Variants in KDM4C observed in about 807,000 individuals in gnomAD.
The protein encoded by KDM4C is lysine demethylase 4C.
Under a neutral mutation model 129.3 loss-of-function variants are expected in KDM4C, and 81 were observed. The ratio of observed to expected loss-of-function variants is 0.63; its 90% CI spans 0.52 to 0.75. The LOEUF is 0.75. KDM4C is among the 30% of genes least tolerant of loss of function. KDM4C has a pLI of 0.00. For synonymous variants in KDM4C, 573 were observed against 456.1 expected (o/e 1.26, Z -3.26); for missense variants, 1,457 against 1,304.0 (o/e 1.12, Z -1.81).
At chr9:7,042,575 A>G (rs1395033828) in intron 15 of KDM4C, among the ~76,000 whole-genome samples, 1 of 152,014 alleles carries the variant, frequency 6.6e-6, no homozygotes, top group African/African-American at 2.4e-5. Context: ...GGAGTTCTTG[A>G]TTATTTATGG....
chr9:6,858,322 T>C (rs1174017611), intron 5 of KDM4C, among the ~76,000 whole-genome samples: 7 of 151,264 alleles, frequency 4.6e-5, no homozygotes, highest in African/African-American at 9.9e-5. Flanking sequence ...CTGAATCTTT[T>C]TTGCTACTCT....
intron 17 of KDM4C, among the ~76,000 whole-genome samples, chr9:7,092,611 T>C (rs1445600660): frequency 2.0e-5 from 3 of 152,206 alleles, no homozygotes; most frequent in Admixed American, 2.0e-4. Context: ...TTTACTGCCG[T>C]GAAGCTTGCT....
chr9:7,100,960 C>T (rs1280437547), intron 17 of KDM4C, among the ~76,000 whole-genome samples: 1 of 152,122 alleles, frequency 6.6e-6, no homozygotes, highest in Non-Finnish European at 1.5e-5. Context: ...TTCCCATGGT[C>T]TAGGAATTCC....
intron 8 of KDM4C, among the ~76,000 whole-genome samples, chr9:6,919,223 C>CTTCTTTTCTTTCTTTCTTTCTTTCTTTCT (rs1554643689): frequency 9.2e-5 from 10 of 108,914 alleles, no homozygotes; most frequent in South Asian, 3.1e-4. Context: ...TTTCTTTTTC[C>CTTCTTTTCTTTCTTTCTTTCTTTCTTTCT]TTCTTTCTTT....
intron 18 of KDM4C, among the ~76,000 whole-genome samples, chr9:7,116,827 T>C (rs1417982341): frequency 6.6e-6 from 1 of 152,194 alleles, no homozygotes; most frequent in African/African-American, 2.4e-5. Flanking sequence ...CATTCTCTCC[T>C]CATGTAAGCA....
intron 12 of KDM4C, among the ~76,000 whole-genome samples, chr9:7,001,441 C>G (rs1332486153): frequency 3.3e-5 from 5 of 152,120 alleles, no homozygotes; most frequent in Admixed American, 1.3e-4. Context: ...CTTGGGGACC[C>G]CCAGGAGAAG....
At chr9:6,914,951 C>G (rs143626240) in intron 8 of KDM4C, among the ~76,000 whole-genome samples, 1 of 152,342 alleles carries the variant, frequency 6.6e-6, no homozygotes, top group African/African-American at 2.4e-5. Flanking sequence ...CCCAAATGTA[C>G]TAAGACAGAG....
chr9:7,076,901 A>C, intron 17 of KDM4C: 1 of 988,156 alleles, frequency 1.0e-6, no homozygotes, highest in South Asian at 4.7e-5. Context: ...TGTCTCCTGT[A>C]GCATGGAGGC....
At chr9:6,727,179 A>T (rs898464484) in intron 1 of KDM4C, 3 of 152,020 alleles carry the variant, frequency 2.0e-5, no homozygotes, top group African/African-American at 7.2e-5. Context: ...GGCCGGGCAC[A>T]GTGGCTTGTG....
At chr9:6,842,623 A>G (rs575448373) in intron 4 of KDM4C, among the ~76,000 whole-genome samples, 4 of 152,058 alleles carry the variant, frequency 2.6e-5, no homozygotes, top group African/African-American at 9.7e-5. Context: ...GACGTGAGCT[A>G]CTGCACCAGG....
At chr9:7,163,977 G>A (rs1283171961) in intron 19 of KDM4C, among the ~76,000 whole-genome samples, 4 of 152,096 alleles carry the variant, frequency 2.6e-5, no homozygotes, top group Non-Finnish European at 4.4e-5. Flanking sequence ...CAATCAAATG[G>A]CCACTCCTTT....
intron 12 of KDM4C, among the ~76,000 whole-genome samples, chr9:6,995,958 G>A (rs12553085): frequency 0.022 from 3,422 of 152,170 alleles, 72 homozygotes; most frequent in East Asian, 0.067. Flanking sequence ...GTGAGCCACC[G>A]CGCCCGGCCC....
At chr9:6,890,014 C>A (rs781597725) in intron 7 of KDM4C, among the ~76,000 whole-genome samples, 2 of 148,372 alleles carry the variant, frequency 1.3e-5, no homozygotes, top group South Asian at 2.1e-4. Context: ...AATTTAAGTC[C>A]TGAAATGGTG....
At chr9:6,959,745 A>G (rs540811713) in intron 8 of KDM4C, among the ~76,000 whole-genome samples, 25 of 152,264 alleles carry the variant, frequency 1.6e-4, no homozygotes, top group African/African-American at 6.0e-4. Context: ...AATTATGACT[A>G]CTCATAAGTT....
chr9:6,939,343 C>G (rs1041764385), intron 8 of KDM4C, among the ~76,000 whole-genome samples: 2 of 152,012 alleles, frequency 1.3e-5, no homozygotes, highest in African/African-American at 2.4e-5. Flanking sequence ...GTCTCCCATC[C>G]CCCCGTGAGG....
intron 4 of KDM4C, chr9:6,834,618 G>A: frequency 1.3e-6 from 1 of 760,776 alleles, no homozygotes. Flanking sequence ...TCCCATGTGG[G>A]CGACGAGGCC....
In KDM4C at chr9:6,758,140, C is replaced by G. The variant is rs1028462091; in HGVS notation, c.-81C>G. 1 of 985,536 alleles carries G rather than the reference C, an allele frequency of 1.0e-6. No individual in the cohort carries two copies. Among genetic ancestry groups the G allele is most frequent in the Non-Finnish European group, 1.2e-6 (1 of 830,136 alleles). The allele number at this position is 985,536 out of a possible 1,614,324, so 61.0% of individuals were successfully genotyped here. On this transcript the variant is annotated 5_prime_UTR_variant, in exon 1 of 22. Coordinates refer to ENST00000381309, the MANE Select transcript of KDM4C (RefSeq NM_015061.6). The surrounding 1 kb of genome is among the most constrained non-coding windows in gnomAD (Gnocchi z 4.6). ...CCAAATTTCCCAAATCTCCCTGGGC[C>G]GGAGGCCACTGTCTTCTCTTCCTCC...
At chr9:7,022,639 T>TTTTC (rs1554703018) in intron 15 of KDM4C, among the ~76,000 whole-genome samples, 1 of 101,830 alleles carries the variant, frequency 9.8e-6, no homozygotes, top group Non-Finnish European at 1.8e-5. Context: ...CTTTATTTCT[T>TTTTC]TTTTTTTTTT....
At chr9:7,086,545 C>G (rs560571616) in intron 17 of KDM4C, among the ~76,000 whole-genome samples, 1 of 152,300 alleles carries the variant, frequency 6.6e-6, no homozygotes, top group South Asian at 2.1e-4. Context: ...TCCAGTCCAT[C>G]TGCTCCTCCT....
Sources: gnomAD v4.1 joint callset for allele counts (sites outside exome capture counted in the v4.1 genomes callset) on GRCh38, gnomAD v4.1.1 for gene constraint, Gnocchi (gnomAD v3.1) non-coding constraint, MANE v1.5 for transcripts, NCBI Gene and HGNC (gene_info 2026-07-23, HGNC 2026-07-21) for gene names.